GPR39: variants seen among roughly 807,000 people sequenced by gnomAD.
GPR39 encodes zinc sensing receptor.
In GPR39, 23 loss-of-function variants were observed where a neutral mutation model predicts 18.4. The ratio of observed to expected loss-of-function variants is 1.25; its 90% CI spans 0.90 to 1.77. The LOEUF (loss-of-function observed/expected upper bound fraction) is 1.77, where lower values mean the gene tolerates loss of function less well. Among genes scored for constraint, GPR39 ranks in the 40% most tolerant of loss-of-function variants. The pLI is 0.00. For synonymous variants in GPR39, 280 were observed against 257.9 expected (o/e 1.09, Z -0.82); for missense variants, 647 against 602.4 (o/e 1.07, Z -0.78).
chr2:132,580,960 C>CAAAAAAAAAAAACA (rs1680611181), intron 1 of GPR39, among the ~76,000 whole-genome samples: 1 of 55,206 alleles, frequency 1.8e-5, no homozygotes, highest in African/African-American at 5.6e-5. Context: ...GACTCTGTCT[C>CAAAAAAAAAAAACA]AAAAAAAAAA....
chr2:132,567,971 G>A (rs1046981085), intron 1 of GPR39, among the ~76,000 whole-genome samples: 1 of 152,066 alleles, frequency 6.6e-6, no homozygotes, highest in African/African-American at 2.4e-5. Context: ...CAGCCATGTG[G>A]AACTGTAAGT....
At chr2:132,548,106 A>C (rs1679981426) in intron 1 of GPR39, among the ~76,000 whole-genome samples, 1 of 152,056 alleles carries the variant, frequency 6.6e-6, no homozygotes, top group African/African-American at 2.4e-5. Flanking sequence ...ACTCTAAATC[A>C]TCCTCCTCCC....
chr2:132,437,883 A>T lies in GPR39; in HGVS notation c.856+19985A>T, dbSNP rs374128000. ...CCTCCTAGTAATGTGACCTCGGGCA[A>T]CATACTTGACCTCTGAGAGCCTAAC... On this transcript the variant is annotated intron_variant, in intron 1 of 1. Coordinates refer to ENST00000329321, the MANE Select transcript of GPR39 (RefSeq NM_001508.3). Among the ~76,000 whole-genome samples, 19 of 152,326 alleles carry T rather than the reference A, an allele frequency of 1.2e-4. 1 individual carries two copies. In the South Asian group the frequency reaches 3.9e-3, roughly 32 times the overall value.
At chr2:132,541,711 G>C (rs551999327) in intron 1 of GPR39, among the ~76,000 whole-genome samples, 1 of 152,192 alleles carries the variant, frequency 6.6e-6, no homozygotes, top group Non-Finnish European at 1.5e-5. Flanking sequence ...ACGGCCCCCT[G>C]TGCAGGATAC....
chr2:132,589,530 C>T (rs1320763086), intron 1 of GPR39, among the ~76,000 whole-genome samples: 1 of 152,160 alleles, frequency 6.6e-6, no homozygotes, highest in East Asian at 1.9e-4. Context: ...AGTTCCAGCT[C>T]AGATGTCTTA....
At chr2:132,478,862 C>T (rs1573621961) in intron 1 of GPR39, among the ~76,000 whole-genome samples, 1 of 151,952 alleles carries the variant, frequency 6.6e-6, no homozygotes, top group African/African-American at 2.4e-5. Flanking sequence ...TAAATGTCAG[C>T]TTGTAGCCAC....
chr2:132,482,326 A>G (rs574761605), intron 1 of GPR39, among the ~76,000 whole-genome samples: 1 of 152,174 alleles, frequency 6.6e-6, no homozygotes, highest in South Asian at 2.1e-4. Context: ...TTTTACACTC[A>G]TGTTTCTCTG....
At chr2:132,427,083 T>TAA (rs1351987300) in intron 1 of GPR39, among the ~76,000 whole-genome samples, 1 of 133,748 alleles carries the variant, frequency 7.5e-6, no homozygotes, top group African/African-American at 2.8e-5. Context: ...CCTATATATA[T>TAA]AATATACATA....
At chr2:132,432,929 G>A (rs147727464) in intron 1 of GPR39, among the ~76,000 whole-genome samples, 3 of 152,274 alleles carry the variant, frequency 2.0e-5, no homozygotes, top group Non-Finnish European at 2.9e-5. Context: ...CATATGGTAG[G>A]TCGTCATTGA....
intron 1 of GPR39, among the ~76,000 whole-genome samples, chr2:132,494,610 C>T (rs900653539): frequency 2.6e-5 from 4 of 152,148 alleles, no homozygotes; most frequent in African/African-American, 9.7e-5. Context: ...TTATGTTTCC[C>T]TCTGATTATG....
chr2:132,552,796 A>ATGTG lies in GPR39; in HGVS notation c.857-92285_857-92282dup, dbSNP rs59345614. ...CACAGTAGCCTACCAATGTGTATAT[A>ATGTG]TGTGTGTGTGTGTGTGTGTGTGTAT... On this transcript the variant is annotated intron_variant, in intron 1 of 1. Coordinates refer to ENST00000329321, the MANE Select transcript of GPR39 (RefSeq NM_001508.3). 4.6e-3 allele frequency among the ~76,000 whole-genome samples: 661 copies of ATGTG among 144,916 alleles called. 13 individuals are homozygous for ATGTG. The highest frequency in any genetic ancestry group is 0.016 in the African/African-American group (633 of 39,258).
At position 132,456,740 on chromosome 2, in the gene GPR39, C is replaced by T. The variant is rs537350856; in HGVS notation, c.856+38842C>T. ...TTTTATTTCTCCTTCACTTATGAAG[C>T]TTAGTTTGGCTGGATATGAAATTCT... is the stretch of plus-strand genomic sequence containing the variant. On this transcript the variant is annotated intron_variant, in intron 1 of 1. Transcript: ENST00000329321. 2.6e-5 allele frequency among the ~76,000 whole-genome samples: 4 copies of T among 152,272 alleles called. No homozygotes were observed. In the East Asian group the frequency reaches 7.7e-4, roughly 29 times the overall value.
rs555379742 is a variant in GPR39 at position 132,466,827 on chromosome 2, A to G, written c.856+48929A>G. Among the ~76,000 whole-genome samples the G allele has an allele frequency of 4.6e-4, 70 of 152,296 alleles. 3 individuals are homozygous for G. The highest frequency in any genetic ancestry group is 1.6e-3 in the African/African-American group (68 of 41,572). ...AGAGTGGCATCTGTGCCCAGAGAGC[A>G]CTTGGCCTCTCAACAACTTGAGCTA... On this transcript the variant is annotated intron_variant, in intron 1 of 1. Transcript: ENST00000329321.
chr2:132,591,942 A>C (rs1301951367), intron 1 of GPR39, among the ~76,000 whole-genome samples: 1 of 152,258 alleles, frequency 6.6e-6, no homozygotes, highest in Non-Finnish European at 1.5e-5. Context: ...GTGTATGGTC[A>C]AATTGTCTTC....
intron 1 of GPR39, among the ~76,000 whole-genome samples, chr2:132,436,217 T>C (rs762660585): frequency 3.3e-5 from 5 of 152,230 alleles, no homozygotes; most frequent in Admixed American, 6.5e-5. Flanking sequence ...AATTACCACG[T>C]TGATGCCTTC....
chr2:132,560,685 G>C (rs529563062), intron 1 of GPR39, among the ~76,000 whole-genome samples: 1 of 152,236 alleles, frequency 6.6e-6, no homozygotes, highest in East Asian at 1.9e-4. Context: ...CCCCTTCTCA[G>C]CCTCTTTTCC....
chr2:132,563,883 GA>G (rs200107345), intron 1 of GPR39, among the ~76,000 whole-genome samples: 1,651 of 152,290 alleles, frequency 0.011, 24 homozygotes, highest in African/African-American at 0.038. Flanking sequence ...GAATTGCCTG[GA>G]GGTGCCTGGG....
At chr2:132,602,309 G>A (rs965470679) in intron 1 of GPR39, among the ~76,000 whole-genome samples, 6 of 152,084 alleles carry the variant, frequency 3.9e-5, no homozygotes, top group Non-Finnish European at 8.8e-5. Context: ...TTCAATAAAT[G>A]GTGCTGGGAA....
At chr2:132,490,543 A>G (rs1320158153) in intron 1 of GPR39, among the ~76,000 whole-genome samples, 1 of 151,968 alleles carries the variant, frequency 6.6e-6, no homozygotes, top group Non-Finnish European at 1.5e-5. Flanking sequence ...TGGAGTTAAC[A>G]TCTAGTCGGA....
Sources: gnomAD v4.1 joint callset for allele counts (sites outside exome capture counted in the v4.1 genomes callset) on GRCh38, gnomAD v4.1.1 for gene constraint, MANE v1.5 for transcripts, NCBI Gene and HGNC (gene_info 2026-07-23, HGNC 2026-07-21) for gene names.